Variants in CEP350 observed in about 807,000 individuals in gnomAD.
CEP350 encodes the protein centrosomal protein 350, also known as centrosome-associated protein 350.
Under a neutral mutation model 331.8 loss-of-function variants are expected in CEP350, and 126 were observed. The ratio of observed to expected loss-of-function variants is 0.38; its 90% CI spans 0.33 to 0.44. CEP350 has a LOEUF of 0.44. Among genes scored for constraint, CEP350 ranks in the 20% least tolerant of loss-of-function variants. The pLI is 1.00. For missense variants in CEP350, 3,406 were observed against 3,634.6 expected (o/e 0.94, Z 1.62); for synonymous variants, 1,200 against 1,259.5 (o/e 0.95, Z 1.00).
At chr1:180,084,441 T>G (rs911232046) in intron 31 of CEP350, among the ~76,000 whole-genome samples, 5 of 152,194 alleles carry the variant, frequency 3.3e-5, no homozygotes, top group African/African-American at 9.6e-5. Flanking sequence ...CTCTGCTCAC[T>G]GCAAGATCCG....
At chr1:180,008,783 G>GT (rs1654423653) in intron 8 of CEP350, among the ~76,000 whole-genome samples, 1 of 152,150 alleles carries the variant, frequency 6.6e-6, no homozygotes. Flanking sequence ...TAGTGCTGCG[G>GT]TAAGAGGTCA....
At chr1:180,063,868 A>T (rs766152867) in intron 26 of CEP350, among the ~76,000 whole-genome samples, 3 of 152,184 alleles carry the variant, frequency 2.0e-5, no homozygotes, top group African/African-American at 7.2e-5. Context: ...TATAATTTTT[A>T]AAATTCCTAA....
chr1:179,973,793 C>T (rs1312721283), intron 1 of CEP350, among the ~76,000 whole-genome samples: 3 of 151,880 alleles, frequency 2.0e-5, no homozygotes, highest in African/African-American at 7.3e-5. Flanking sequence ...ATTTCATTTC[C>T]TTATTTTTCA....
chr1:180,081,851 T>G (rs1659590301), intron 30 of CEP350, among the ~76,000 whole-genome samples: 1 of 152,252 alleles, frequency 6.6e-6, no homozygotes, highest in Non-Finnish European at 1.5e-5. Flanking sequence ...ATTCTTTTTG[T>G]ATATTTCAGT....
At chr1:179,964,762 C>G (rs1650880427) in intron 1 of CEP350, among the ~76,000 whole-genome samples, 1 of 149,032 alleles carries the variant, frequency 6.7e-6, no homozygotes, top group South Asian at 2.1e-4. Flanking sequence ...TTAGGATCTT[C>G]TCACTTTTTT....
rs776278747 is a variant in CEP350, at chr1:180,043,113, C to T, written c.4420C>T (p.Leu1474Phe). The T allele has an allele frequency of 1.4e-5, 23 of 1,613,694 alleles. No homozygotes were observed. The highest frequency in any genetic ancestry group is 1.9e-5 in the Non-Finnish European group (22 of 1,179,800). ...SDAVVASGAP[L>F]AILYDHQRQH... Reference sequence around the variant, plus strand: ...TGCTGTCGTGGCTTCAGGAGCTCCCCTTGCAATACTGTATGACCACCAACG... The same window carrying T: ...TGCTGTCGTGGCTTCAGGAGCTCCCTTTGCAATACTGTATGACCACCAACG... Residue 1474 changes from leucine (L) to phenylalanine (F), a missense_variant, in exon 20 of 38, where the codon CTT becomes TTT. By Grantham distance (22) the Leu-to-Phe change is conservative. Coordinates refer to ENST00000367607, the MANE Select transcript of CEP350 (RefSeq NM_014810.5).
chr1:180,087,371 A>G, intron 31 of CEP350: 1 of 360,532 alleles, frequency 2.8e-6, no homozygotes, highest in Non-Finnish European at 5.0e-6. Flanking sequence ...ACAATTATAT[A>G]TCTTGCTTAT....
chr1:180,002,110 A>G (rs887150384), intron 6 of CEP350, among the ~76,000 whole-genome samples: 2 of 152,222 alleles, frequency 1.3e-5, no homozygotes, highest in African/African-American at 4.8e-5. Flanking sequence ...AAGTATTGGC[A>G]AGGATGTGGA....
intron 36 of CEP350, 37 bp from the exon 37 acceptor site, chr1:180,098,826 G>T (rs1455306083): frequency 1.9e-6 from 3 of 1,583,660 alleles, no homozygotes; most frequent in Non-Finnish European, 1.7e-6. Flanking sequence ...AGGAATTTCT[G>T]TTGTTTGTGT....
intron 21 of CEP350, among the ~76,000 whole-genome samples, chr1:180,046,718 C>T (rs765473417): frequency 3.3e-5 from 5 of 152,172 alleles, no homozygotes; most frequent in Non-Finnish European, 5.9e-5. Context: ...AATTTTTCTA[C>T]AGTCCTCACC....
chr1:180,056,302 G>A (rs936195537), intron 25 of CEP350, among the ~76,000 whole-genome samples: 20 of 152,032 alleles, frequency 1.3e-4, no homozygotes, highest in Admixed American at 1.3e-3. Context: ...TTCCTCTTAA[G>A]ATTATTTAAA....
rs574507488 is a variant in CEP350, at chr1:180,049,743, C to T, written c.4792+1038C>T. ...ATTTTTAGTAGAGACAGGGTTTCAC[C>T]GTGTTGGTCAGGCTGATCTCGAACT... On this transcript the variant is annotated intron_variant, in intron 22 of 37. Coordinates refer to ENST00000367607, the MANE Select transcript of CEP350 (RefSeq NM_014810.5). 3.0e-4 allele frequency among the ~76,000 whole-genome samples: 46 copies of T among 152,202 alleles called. No homozygotes were observed. The East Asian group carries it at 7.1e-3, about 24-fold the overall frequency.
At chr1:180,094,651 C>T (rs760825078) in intron 34 of CEP350, 35 bp downstream of exon 34, 7 of 1,572,574 alleles carry the variant, frequency 4.5e-6, no homozygotes, top group Non-Finnish European at 6.0e-6. Flanking sequence ...ATCAGTATAC[C>T]TTTTGACACT....
In CEP350 at chr1:180,033,724, T is replaced by C. The variant is rs1656174400; in HGVS notation, c.3726-138T>C. The C allele has an allele frequency of 5.0e-6, 4 of 803,824 alleles. No individual in the cohort carries two copies. In the Admixed American group the frequency reaches 8.7e-5, roughly 17 times the overall value. 49.8% of individuals were successfully genotyped at this position (803,824 alleles called of 1,614,324 possible). On this transcript the variant is annotated intron_variant, in intron 15 of 37. Transcript: ENST00000367607. ...TCATTCATTCAGCATAGTGATTATA[T>C]TAATGAATAAATGCCTAAATCACAA...
At chr1:180,047,816 G>A (rs1657232558) in intron 21 of CEP350, among the ~76,000 whole-genome samples, 1 of 146,996 alleles carries the variant, frequency 6.8e-6, no homozygotes, top group South Asian at 2.2e-4. Flanking sequence ...TCAATTTTAA[G>A]GAAAGACAGA....
intron 37 of CEP350, among the ~76,000 whole-genome samples, chr1:180,104,556 T>A (rs1490335423): frequency 2.6e-5 from 4 of 152,112 alleles, no homozygotes; most frequent in Admixed American, 6.5e-5. Context: ...AAGAGCAAGG[T>A]CTCTGGAATC....
intron 1 of CEP350, among the ~76,000 whole-genome samples, chr1:179,979,389 TG>T (rs1380787720): frequency 3.5e-5 from 4 of 113,726 alleles, no homozygotes; most frequent in South Asian, 2.8e-4. Flanking sequence ...TTATTTGGGG[TG>T]TTTTTTTTTT....
chr1:179,986,026 T>G, intron 1 of CEP350, 143 bp from the exon 2 acceptor site: 1 of 606,286 alleles, frequency 1.6e-6, no homozygotes, highest in East Asian at 2.9e-5. Context: ...GCTGTTATTA[T>G]TTTGTGTGTT....
chr1:179,987,177 A>G (rs1652697705), intron 2 of CEP350, 63 bp from the exon 3 acceptor site: 2 of 869,114 alleles, frequency 2.3e-6, no homozygotes, highest in South Asian at 3.2e-5. Context: ...TAAAATTCAG[A>G]TTCTGAGGTC....
Sources: allele counts gnomAD v4.1 joint callset (sites outside exome capture counted in the v4.1 genomes callset), GRCh38; gene constraint gnomAD v4.1.1; transcripts MANE v1.5; gene names NCBI Gene and HGNC (gene_info 2026-07-23, HGNC 2026-07-21).